Variants in SMS observed in about 807,000 individuals in gnomAD.
The protein encoded by SMS is spermine synthase.
Under a neutral mutation model 33.0 loss-of-function variants are expected in SMS, and 3 were observed. The observed-to-expected ratio is 0.09, with a 90% CI of 0.04 to 0.23. The LOEUF is 0.23. SMS is among the 10% of genes least tolerant of loss of function. The pLI, the probability that SMS is intolerant of heterozygous loss-of-function variation, is 1.00. For missense variants in SMS, 117 were observed against 288.6 expected, an observed-to-expected ratio of 0.41 and a Z score of 4.31; for synonymous variants, 103 against 112.2, an observed-to-expected ratio of 0.92 and a Z score of 0.52.
At chrX:21,974,856 CTTT>C (rs11347193) in intron 4 of SMS, among the ~76,000 whole-genome samples, 12,065 of 83,197 alleles carry the variant, frequency 0.15, 1,361 homozygotes, top group African/African-American at 0.37. Context: ...GATTGCTATC[CTTT>C]TTTTTTTTTT....
At chrX:21,958,994 A>G (rs1325561506) in intron 1 of SMS, among the ~76,000 whole-genome samples, 1 of 112,827 alleles carries the variant, frequency 8.9e-6, no homozygotes, top group Non-Finnish European at 1.9e-5. Context: ...TTGCTTCTCC[A>G]TCTATAACCT....
chrX:21,972,642 C>A, intron 4 of SMS, 71 bp downstream of exon 4: 1 of 735,922 alleles, frequency 1.4e-6, no homozygotes, highest in Non-Finnish European at 2.1e-6. Flanking sequence ...GGCGCGGTAG[C>A]TCACACCTGT....
chrX:21,984,511 A>G, intron 8 of SMS, 93 bp downstream of exon 8: 1 of 626,629 alleles, frequency 1.6e-6, no homozygotes, highest in Non-Finnish European at 2.7e-6. Context: ...TAGTTCTCTC[A>G]CGTTTTTGAA....
rs1336749400 is a variant in SMS at position 21,988,695 on chromosome X, A to G, written c.945+3472A>G. Among the ~76,000 whole-genome samples the G allele has an allele frequency of 3.1e-5, 3 of 96,454 alleles. No individual in the cohort carries two copies. The Admixed American group carries it at 3.5e-4, about 11-fold the overall frequency. 83.8% of individuals were successfully genotyped at this position (96,454 alleles called of 115,157 possible). ...AAAAAAAAAAAAAAAAAAAAAAAGG[A>G]GTCAGGTTAAGGGTGGGATGAAAAT... On this transcript the variant is annotated intron_variant, in intron 9 of 10. Coordinates refer to ENST00000404933, the MANE Select transcript of SMS (RefSeq NM_004595.5).
At chrX:21,983,281 C>A (rs756688146) in intron 7 of SMS, among the ~76,000 whole-genome samples, 23 of 111,197 alleles carry the variant, frequency 2.1e-4, no homozygotes, top group Admixed American at 1.9e-3. Context: ...CTCCATTGTT[C>A]CGCCCACCTC....
chrX:21,994,014 CTCATACTAA>C (rs1406394329), intron 10 of SMS, among the ~76,000 whole-genome samples: 6 of 107,679 alleles, frequency 5.6e-5, no homozygotes, highest in Non-Finnish European at 9.6e-5. Flanking sequence ...TCCTTTCCTT[CTCATACTAA>C]TTCCCTAAAA....
At chrX:21,970,776 A>G (rs781384996) in intron 2 of SMS, among the ~76,000 whole-genome samples, 1 of 99,840 alleles carries the variant, frequency 1.0e-5, no homozygotes, top group African/African-American at 3.7e-5. Flanking sequence ...ATCCAAGCAC[A>G]CTGTCTGTAT....
intron 1 of SMS, among the ~76,000 whole-genome samples, chrX:21,943,166 T>C (rs766830530): frequency 9.2e-6 from 1 of 108,853 alleles, no homozygotes. Context: ...TTTTCTTTTA[T>C]GCTTTAAGGA....
At chrX:21,951,353 G>A (rs1237683325) in intron 1 of SMS, among the ~76,000 whole-genome samples, 1 of 112,193 alleles carries the variant, frequency 8.9e-6, no homozygotes, top group Non-Finnish European at 1.9e-5. Context: ...TGTCAGATGG[G>A]TAGATTGCAA....
intron 1 of SMS, among the ~76,000 whole-genome samples, chrX:21,966,567 G>T (rs1442748066): frequency 3.6e-5 from 4 of 111,177 alleles, no homozygotes; most frequent in African/African-American, 9.8e-5. Context: ...TGGGGGTGGG[G>T]TGGGGAGACC....
intron 1 of SMS, chrX:21,941,302 AGCCCGG>A: frequency 5.0e-6 from 1 of 199,703 alleles, no homozygotes. Context: ...CCGCGCGGCG[AGCCCGG>A]GCTGGGGGCG....
chrX:21,966,273 C>A (rs1923715345), intron 1 of SMS, among the ~76,000 whole-genome samples: 1 of 112,409 alleles, frequency 8.9e-6, no homozygotes, highest in Non-Finnish European at 1.9e-5. Context: ...TCACAGGAGC[C>A]AGCCTTCAGA....
At chrX:21,986,450 T>G (rs1925343956) in intron 9 of SMS, among the ~76,000 whole-genome samples, 1 of 110,687 alleles carries the variant, frequency 9.0e-6, no homozygotes, top group African/African-American at 3.3e-5. Context: ...CTGGACATTT[T>G]ATGGAATCTG....
intron 1 of SMS, among the ~76,000 whole-genome samples, chrX:21,963,551 C>G (rs897252273): frequency 2.7e-5 from 3 of 112,317 alleles, no homozygotes; most frequent in South Asian, 7.3e-4. Context: ...GGAGGACTTT[C>G]TTTAGCCCAC....
Position 21,992,580 on chromosome X carries a change from ATC to A in SMS, c.946-11_946-10del. 3 of 1,086,825 alleles carry A rather than the reference ATC, an allele frequency of 2.8e-6. No homozygotes were observed. Among genetic ancestry groups the A allele is most frequent in the Non-Finnish European group, 2.6e-6 (2 of 782,747 alleles). 89.6% of individuals were successfully genotyped at this position (1,086,825 alleles called of 1,213,427 possible). A position where few individuals can be genotyped will look rare whatever the true frequency, so the allele number is the denominator to read the frequency against. On this transcript the variant is annotated splice_polypyrimidine_tract_variant and intron_variant, in intron 9 of 10. Coordinates refer to ENST00000404933, the MANE Select transcript of SMS (RefSeq NM_004595.5). ...AAGGACTCAAGAATCCCATTTGCTTATCTCTCTTTGATTTAGGGGAACTGTGT... is the reference window on the plus strand; with the variant it reads ...AAGGACTCAAGAATCCCATTTGCTTATCTCTTTGATTTAGGGGAACTGTGT...
At chrX:21,968,574 T>C (rs773187996) in intron 2 of SMS, among the ~76,000 whole-genome samples, 1 of 112,037 alleles carries the variant, frequency 8.9e-6, no homozygotes, top group African/African-American at 3.2e-5. Flanking sequence ...CTGATGCTGC[T>C]GGACAGCTGA....
intron 2 of SMS, among the ~76,000 whole-genome samples, chrX:21,971,366 C>A (rs1924147014): frequency 1.1e-5 from 1 of 92,610 alleles, no homozygotes; most frequent in Admixed American, 1.0e-4. Flanking sequence ...AAATGTAAAC[C>A]ATTCTTAACT....
intron 4 of SMS, among the ~76,000 whole-genome samples, chrX:21,974,158 A>G (rs1421455858): frequency 8.9e-6 from 1 of 112,494 alleles, no homozygotes; most frequent in African/African-American, 3.2e-5. Flanking sequence ...AGGAATCCTT[A>G]TTGGCAAGTG....
intron 1 of SMS, among the ~76,000 whole-genome samples, chrX:21,956,118 T>G (rs1392213273): frequency 8.9e-6 from 1 of 112,710 alleles, no homozygotes; most frequent in Non-Finnish European, 1.9e-5. Context: ...AAGTAGTCAT[T>G]GTGGCTGGTA....
Sources: allele counts gnomAD v4.1 joint callset (sites outside exome capture counted in the v4.1 genomes callset), GRCh38; gene constraint gnomAD v4.1.1; transcripts MANE v1.5; gene names NCBI Gene and HGNC (gene_info 2026-07-23, HGNC 2026-07-21).